The following COL15A1 variants were observed in gnomAD, a reference collection of about 807,000 sequenced individuals.
COL15A1 encodes collagen type XV alpha 1 chain, also known as collagen alpha-1(XV) chain.
Under a neutral mutation model 165.9 loss-of-function variants are expected in COL15A1, and 111 were observed. The observed-to-expected ratio is 0.67, with a 90% CI of 0.57 to 0.78. COL15A1 has a LOEUF of 0.78. COL15A1 is among the 30% of genes least tolerant of loss of function. COL15A1 has a pLI of 0.00. For synonymous variants in COL15A1, 659 were observed against 674.8 expected (o/e 0.98, Z 0.36); for missense variants, 1,745 against 1,789.7 (o/e 0.98, Z 0.45).
At chr9:98,980,853 T>C (rs1441345176) in intron 2 of COL15A1, among the ~76,000 whole-genome samples, 1 of 152,208 alleles carries the variant, frequency 6.6e-6, no homozygotes, top group Non-Finnish European at 1.5e-5. Flanking sequence ...CTCTCCCAAA[T>C]TGCATCTCTC....
Position 99,062,042 on chromosome 9 carries a change from C to T in COL15A1, c.3474C>T (p.Tyr1158=). 1 of 1,614,032 alleles carries T rather than the reference C, an allele frequency of 6.2e-7. No homozygotes were observed. Among genetic ancestry groups the T allele is most frequent in the South Asian group, 1.1e-5 (1 of 91,062 alleles). Residue 1158 remains tyrosine (Y), a synonymous_variant, in exon 37 of 42, where the codon TAC becomes TAT. Coordinates refer to ENST00000375001, the MANE Select transcript of COL15A1 (RefSeq NM_001855.5). ...AHLVIEGTFI[Y]LRDSTEFFIR... Reference sequence around the variant, plus strand: ...TGGTTATAGAAGGAACATTCATCTACCTGAGGGACAGCACTGAGTTTTTCA... The same window carrying T: ...TGGTTATAGAAGGAACATTCATCTATCTGAGGGACAGCACTGAGTTTTTCA...
At chr9:98,994,114 G>A (rs993888832) in intron 5 of COL15A1, among the ~76,000 whole-genome samples, 2 of 151,832 alleles carry the variant, frequency 1.3e-5, no homozygotes, top group African/African-American at 2.4e-5. Flanking sequence ...GTGTGTGTTG[G>A]GGGTGGGGGT....
At chr9:99,017,542 C>A (rs4743309) in intron 11 of COL15A1, among the ~76,000 whole-genome samples, 7 of 152,154 alleles carry the variant, frequency 4.6e-5, no homozygotes, top group Admixed American at 4.6e-4. Context: ...ACTCTGGTCA[C>A]GCATTAGAGA....
At chr9:99,036,830 C>G (rs1456564860) in intron 21 of COL15A1, among the ~76,000 whole-genome samples, 1 of 152,230 alleles carries the variant, frequency 6.6e-6, no homozygotes, top group Non-Finnish European at 1.5e-5. Flanking sequence ...TCCTGCCAAT[C>G]AGACGGACTT....
At chr9:98,996,839 T>C in intron 5 of COL15A1, 95 bp from the exon 6 acceptor site, 1 of 1,542,160 alleles carries the variant, frequency 6.5e-7, no homozygotes, top group Non-Finnish European at 8.8e-7. Flanking sequence ...TTCAGCATCT[T>C]GTGGATATAT....
intron 9 of COL15A1, among the ~76,000 whole-genome samples, chr9:99,006,217 C>T (rs1215722483): frequency 1.3e-5 from 2 of 152,242 alleles, no homozygotes; most frequent in African/African-American, 4.8e-5. Context: ...CCTCAAAAGG[C>T]CTCATCATCA....
Position 99,044,425 on chromosome 9 carries a change from G to A in COL15A1, c.2575-143G>A, listed in dbSNP as rs1839461367. On this transcript the variant is annotated intron_variant, in intron 24 of 41. Coordinates refer to ENST00000375001, the MANE Select transcript of COL15A1 (RefSeq NM_001855.5). ...TTTGGAGCAGTGGGGTTTCAAGTAGGATGAAGGCAAGAGAAATAAATCATG... is the reference window on the plus strand; with the variant it reads ...TTTGGAGCAGTGGGGTTTCAAGTAGAATGAAGGCAAGAGAAATAAATCATG... 4 of 723,120 alleles carry A rather than the reference G, an allele frequency of 5.5e-6. No individual in the cohort carries two copies. In the South Asian group the frequency reaches 6.7e-5, roughly 12 times the overall value. The allele number at this position is 723,120 out of a possible 1,614,324, so 44.8% of individuals were successfully genotyped here.
chr9:98,996,865 T>G, intron 5 of COL15A1, 69 bp from the exon 6 acceptor site: 1 of 1,588,752 alleles, frequency 6.3e-7, no homozygotes, highest in Non-Finnish European at 8.6e-7. Context: ...TCTTCAGTGA[T>G]ATTCTCTGTC....
intron 18 of COL15A1, 92 bp from the exon 19 acceptor site, chr9:99,035,258 C>T: frequency 1.9e-6 from 3 of 1,597,424 alleles, no homozygotes; most frequent in Non-Finnish European, 2.6e-6. Context: ...TGTGCGGATT[C>T]CCCTGTGAGC....
At chr9:99,026,016 A>G (rs1452757854) in intron 16 of COL15A1, 50 bp downstream of exon 16, 2 of 1,544,922 alleles carry the variant, frequency 1.3e-6, no homozygotes, top group Non-Finnish European at 1.8e-6. Flanking sequence ...CCAGGCCCAC[A>G]CTACTCTCTC....
chr9:98,985,520 G>T, intron 2 of COL15A1, 45 bp from the exon 3 acceptor site: 1 of 1,541,316 alleles, frequency 6.5e-7, no homozygotes, highest in Non-Finnish European at 8.8e-7. Context: ...TTCAAGCAAA[G>T]TGGAATATAC....
Position 98,974,340 on chromosome 9 carries a change from G to A in COL15A1, c.101-11225G>A, listed in dbSNP as rs150795910. Among the ~76,000 whole-genome samples, 817 of 152,278 alleles carry A rather than the reference G, an allele frequency of 5.4e-3. 9 individuals are homozygous for A. Among genetic ancestry groups the A allele is most frequent in the Non-Finnish European group, 8.4e-3 (573 of 68,012 alleles). ...GTTGCTGAACTCCTGTCCCTCCAGG[G>A]AGGTGGGAGAAAGGGAAGTCACATG... On this transcript the variant is annotated intron_variant, in intron 2 of 41. Transcript: ENST00000375001.
intron 5 of COL15A1, among the ~76,000 whole-genome samples, chr9:98,995,799 T>C (rs914472874): frequency 1.3e-5 from 2 of 152,374 alleles, no homozygotes; most frequent in African/African-American, 4.8e-5. Flanking sequence ...ATAACAAATA[T>C]GGAATATTTA....
chr9:98,964,413 T>C (rs1406411096), intron 2 of COL15A1, among the ~76,000 whole-genome samples: 2 of 152,186 alleles, frequency 1.3e-5, no homozygotes, highest in African/African-American at 4.8e-5. Context: ...GTTCTGGCTG[T>C]TCCCTTAAAC....
At chr9:99,044,280 G>T (rs1241916248) in intron 24 of COL15A1, among the ~76,000 whole-genome samples, 1 of 152,154 alleles carries the variant, frequency 6.6e-6, no homozygotes, top group Non-Finnish European at 1.5e-5. Flanking sequence ...GCCTGAAGGG[G>T]CATGGAAGAC....
intron 2 of COL15A1, among the ~76,000 whole-genome samples, chr9:98,944,511 C>T (rs1837544036): frequency 6.6e-6 from 1 of 152,102 alleles, no homozygotes; most frequent in African/African-American, 2.4e-5. Flanking sequence ...TGCGGAGCCT[C>T]CAATCTTAGG....
At position 99,023,364 on chromosome 9, in the gene COL15A1, C is replaced by G; in HGVS notation, c.1769C>G (p.Ala590Gly). ...PSGPVGPTAG[A>G]EAEGSGLGWG... is the part of the protein sequence containing the mutation. ...AATTTCTTCTCTTTCCAGGCAGGAG[C>G]AGAAGCAGAGGGCTCTGGCCTAGGC... The change falls in exon 14 of 42, where the codon GCA becomes GGA. Residue 590 changes from alanine to glycine, a missense_variant. Transcript: ENST00000375001. 19 of 1,606,254 alleles carry G rather than the reference C, an allele frequency of 1.2e-5. No individual in the cohort carries two copies. Among genetic ancestry groups the G allele is most frequent in the Non-Finnish European group, 1.6e-5 (19 of 1,175,470 alleles).
At chr9:99,024,268 G>GTTTTTTTTTTTCTTTTTTTTTTTTT (rs201734908) in intron 14 of COL15A1, among the ~76,000 whole-genome samples, 1 of 131,460 alleles carries the variant, frequency 7.6e-6, no homozygotes. Flanking sequence ...ACCACAAGCA[G>GTTTTTTTTTTTCTTTTTTTTTTTTT]TTTTTTTTGT....
chr9:99,023,322 TAAA>T (rs1839058858), intron 13 of COL15A1, 32 bp from the exon 14 acceptor site: 1 of 1,571,684 alleles, frequency 6.4e-7, no homozygotes, highest in East Asian at 2.3e-5. Flanking sequence ...GTCTGGCAGT[TAAA>T]TGCAAGTAGT....
Sources: allele counts gnomAD v4.1 joint callset (sites outside exome capture counted in the v4.1 genomes callset), GRCh38; gene constraint gnomAD v4.1.1; transcripts MANE v1.5; gene names NCBI Gene and HGNC (gene_info 2026-07-23, HGNC 2026-07-21).